Variants in IGSF9B observed in about 807,000 individuals in gnomAD.
The protein encoded by IGSF9B is immunoglobulin superfamily member 9B, also known as protein turtle homolog B.
Under a neutral mutation model 143.7 loss-of-function variants are expected in IGSF9B, and 48 were observed. The ratio of observed to expected loss-of-function variants is 0.33; its 90% CI spans 0.26 to 0.42. IGSF9B has a LOEUF of 0.42. Among genes scored for constraint, IGSF9B ranks in the 20% least tolerant of loss-of-function variants. The pLI is 1.00. For synonymous variants in IGSF9B, 903 were observed against 833.1 expected (o/e 1.08, Z -1.44); for missense variants, 1,706 against 1,980.0 (o/e 0.86, Z 2.63).
chr11:133,936,525 C>T (rs1220537282), intron 5 of IGSF9B, among the ~76,000 whole-genome samples: 1 of 152,176 alleles, frequency 6.6e-6, no homozygotes, highest in Non-Finnish European at 1.5e-5. Flanking sequence ...GAGTCAGGGC[C>T]GTGGGCTGCT....
chr11:133,919,395 G>A (rs1439427760), intron 18 of IGSF9B, among the ~76,000 whole-genome samples: 1 of 152,182 alleles, frequency 6.6e-6, no homozygotes, highest in African/African-American at 2.4e-5. Flanking sequence ...AGGACCGCAG[G>A]GACTCGGAGA....
chr11:133,949,610 C>T (rs142044885), intron 1 of IGSF9B, among the ~76,000 whole-genome samples: 297 of 151,920 alleles, frequency 2.0e-3, no homozygotes, highest in Non-Finnish European at 3.2e-3. Flanking sequence ...GGAGCCCAGC[C>T]CTGGGAGGGT....
At position 133,900,653 on chromosome 11, in the gene IGSF9B, C is replaced by T. The variant is rs1269083872; in HGVS notation, c.*8416G>A. ...AGTTCATCTCTCCCTCCTCATCCTC[C>T]ACTCAGTGTCCCAGGATTGGAGCAT... On this transcript the variant is annotated 3_prime_UTR_variant, in exon 20 of 20. Coordinates refer to ENST00000533871, the MANE Select transcript of IGSF9B (RefSeq NM_001277285.4). The T allele has an allele frequency of 6.6e-6, 1 of 152,630 alleles. No individual in the cohort carries two copies. Among genetic ancestry groups the T allele is most frequent in the Admixed American group, 6.5e-5 (1 of 15,288 alleles). 9.5% of individuals were successfully genotyped at this position (152,630 alleles called of 1,614,324 possible). A position where few individuals can be genotyped will look rare whatever the true frequency, so the allele number is the denominator to read the frequency against.
chr11:133,911,849 G>A, intron 19 of IGSF9B, 37 bp downstream of exon 19: 2 of 1,477,810 alleles, frequency 1.4e-6, no homozygotes, highest in Non-Finnish European at 1.8e-6. Flanking sequence ...GCAAGGCAAG[G>A]TGGGAGGAGC....
chr11:133,923,088 G>C (rs1939571108), intron 15 of IGSF9B, among the ~76,000 whole-genome samples: 1 of 152,204 alleles, frequency 6.6e-6, no homozygotes, highest in Non-Finnish European at 1.5e-5. Context: ...GCTACACAGA[G>C]CACACATACT....
At chr11:133,930,578 C>T (rs973490812) in intron 11 of IGSF9B, among the ~76,000 whole-genome samples, 29 of 152,194 alleles carry the variant, frequency 1.9e-4, no homozygotes, top group Non-Finnish European at 2.8e-4. Flanking sequence ...AGCCTCCGCA[C>T]GCCAGGCCTG....
Position 133,902,314 on chromosome 11 carries a change from TAC to T in IGSF9B, c.*6753_*6754del, listed in dbSNP as rs1307866160. On this transcript the variant is annotated 3_prime_UTR_variant, in exon 20 of 20. Transcript: ENST00000533871. ...ATCACACATACACGCACACCACAGA[TAC>T]ACACACACCATACCACACACACCCC... Among the ~76,000 whole-genome samples the T allele has an allele frequency of 7.8e-5, 8 of 102,914 alleles. No individual in the cohort carries two copies. Among genetic ancestry groups the T allele is most frequent in the South Asian group, 6.5e-4 (2 of 3,094 alleles). The allele number at this position is 102,914 out of a possible 152,430, so 67.5% of individuals were successfully genotyped here.
Position 133,927,044 on chromosome 11 carries a change from A to G in IGSF9B, c.1679T>C (p.Val560Ala). ...FGPHDWLSLP[V>A]PPGPSWLLVD... ...CAGCAGCCAGCTGGGTCCTGGCGGC[A>G]CTGGCAAGGACAGCCAGTCATGGGG... is the stretch of plus-strand genomic sequence containing the variant. The change falls in exon 13 of 20, where the codon GTG becomes GCG. Residue 560 changes from valine (V) to alanine (A), a missense_variant. Val to Ala is a moderately conservative substitution (Grantham distance 64). Coordinates refer to ENST00000533871, the MANE Select transcript of IGSF9B (RefSeq NM_001277285.4). The G allele has an allele frequency of 1.3e-6, 2 of 1,563,184 alleles. No individual in the cohort carries two copies. The highest frequency in any genetic ancestry group is 1.7e-6 in the Non-Finnish European group (2 of 1,153,910).
In IGSF9B at chr11:133,931,050, C is replaced by G; in HGVS notation, c.1453G>C (p.Glu485Gln). The change falls in exon 11 of 20, where the codon GAG (glutamate) becomes CAG (glutamine). Residue 485 changes from glutamate to glutamine, a missense_variant. Around this residue, in one of 7 missense-constraint regions of IGSF9B, gnomAD observed 238 missense variants for 452.6 expected, o/e 0.53. Coordinates refer to ENST00000533871, the MANE Select transcript of IGSF9B (RefSeq NM_001277285.4). The surrounding 1 kb of genome is among the most constrained non-coding windows in gnomAD (Gnocchi z 7.7). ...ACGTTGGTGGCGACACATTCCCACTCCCCGTGGTCCTCCTTACTCAGGGCA... is the reference window on the plus strand; with the variant it reads ...ACGTTGGTGGCGACACATTCCCACTGCCCGTGGTCCTCCTTACTCAGGGCA... ...FRALSKEDHG[E>Q]WECVATNVVT... The G allele has an allele frequency of 6.2e-7, 1 of 1,613,802 alleles. No homozygotes were observed. Among genetic ancestry groups the G allele is most frequent in the Non-Finnish European group, 8.5e-7 (1 of 1,179,830 alleles).
rs1201578837 is a variant in IGSF9B, at chr11:133,903,410, C to G, written c.*5659G>C. Among the ~76,000 whole-genome samples the G allele has an allele frequency of 1.3e-5, 2 of 152,178 alleles. No individual in the cohort carries two copies. Among genetic ancestry groups the G allele is most frequent in the African/African-American group, 4.8e-5 (2 of 41,426 alleles). On this transcript the variant is annotated 3_prime_UTR_variant, in exon 20 of 20. Coordinates refer to ENST00000533871, the MANE Select transcript of IGSF9B (RefSeq NM_001277285.4). ...CAAAGCCGGTAGCTTTTCACCAGCTCTCGTCCGAAACCCTAACTACTACTA... is the reference window on the plus strand; with the variant it reads ...CAAAGCCGGTAGCTTTTCACCAGCTGTCGTCCGAAACCCTAACTACTACTA...
At chr11:133,941,785 C>T (rs1238401350) in intron 3 of IGSF9B, among the ~76,000 whole-genome samples, 1 of 152,220 alleles carries the variant, frequency 6.6e-6, no homozygotes, top group African/African-American at 2.4e-5. Flanking sequence ...CCGCTCTCCT[C>T]GCTCTGGGCT....
chr11:133,941,741 C>T (rs940730734), intron 3 of IGSF9B, among the ~76,000 whole-genome samples: 2 of 152,304 alleles, frequency 1.3e-5, no homozygotes, highest in East Asian at 3.9e-4. Context: ...CCAGCATTTC[C>T]CTATGAACAG....
chr11:133,938,647 A>AAGCAATCC (rs1294425133), intron 3 of IGSF9B, among the ~76,000 whole-genome samples: 1 of 152,108 alleles, frequency 6.6e-6, no homozygotes, highest in African/African-American at 2.4e-5. Flanking sequence ...CTGCTTGTAG[A>AAGCAATCC]AGCAATCCGG....
Position 133,945,512 on chromosome 11 carries a change from G to T in IGSF9B, c.262+549C>A, listed in dbSNP as rs1007598940. Among the ~76,000 whole-genome samples the T allele has an allele frequency of 6.6e-6, 1 of 152,150 alleles. No homozygotes were observed. Among genetic ancestry groups the T allele is most frequent in the African/African-American group, 2.4e-5 (1 of 41,432 alleles). ...CGCCCTCCTCTCCCGCGGGCTGGGG[G>T]GCAGGCAGCGGCAGTGAGTCACGAG... On this transcript the variant is annotated intron_variant, in intron 2 of 19. Coordinates refer to ENST00000533871, the MANE Select transcript of IGSF9B (RefSeq NM_001277285.4). This position sits in a 1 kb window ranked among gnomAD's most constrained non-coding sequence, Gnocchi z 4.6.
Position 133,922,708 on chromosome 11 carries a change from C to G in IGSF9B, c.2142G>C (p.Leu714=). The G allele has an allele frequency of 6.3e-7, 1 of 1,578,866 alleles. No homozygotes were observed. Among genetic ancestry groups the G allele is most frequent in the Non-Finnish European group, 8.6e-7 (1 of 1,164,034 alleles). ...SSTDIFPQPD[L]TEDGLARPVL... is the part of the protein sequence containing the mutation. ...CAGGCCGCGCCAGCCCATCCTCGGTCAGGTCCGGCTGCGGGAAGATGTCTG... is the reference window on the plus strand; with the variant it reads ...CAGGCCGCGCCAGCCCATCCTCGGTGAGGTCCGGCTGCGGGAAGATGTCTG... Residue 714 remains leucine (L), a synonymous_variant, in exon 16 of 20, where the codon CTG becomes CTC. Coordinates refer to ENST00000533871, the MANE Select transcript of IGSF9B (RefSeq NM_001277285.4).
chr11:133,922,210 G>A lies in IGSF9B; in HGVS notation c.2294C>T (p.Ser765Phe). The A allele has an allele frequency of 1.2e-6, 2 of 1,612,964 alleles. No individual in the cohort carries two copies. The highest frequency in any genetic ancestry group is 2.2e-5 in the South Asian group (2 of 90,638). Residue 765 changes from serine to phenylalanine, a missense_variant, in exon 17 of 20, where the codon TCC (serine) becomes TTC (phenylalanine). This residue lies in a region of IGSF9B where 135 missense variants were observed against 181.3 expected (regional missense o/e 0.74). Transcript: ENST00000533871. The part of the protein sequence containing the change: ...KLKRKKDPPL[S>F]ITHCRKSLES... Reference sequence around the variant, plus strand: ...CAGGCTCTTCCTGCAGTGGGTGATGGAGAGTGGAGGGTCTGGAAGGAAAGA... The same window carrying A: ...CAGGCTCTTCCTGCAGTGGGTGATGAAGAGTGGAGGGTCTGGAAGGAAAGA...
At position 133,919,164 on chromosome 11, in the gene IGSF9B, A is replaced by G. The variant is rs1296718552; in HGVS notation, c.3983+578T>C. 1.5e-4 allele frequency: 63 copies of G among 412,094 alleles called. 2 individuals are homozygous for G. Among genetic ancestry groups the G allele is most frequent in the South Asian group, 1.1e-3 (63 of 56,460 alleles). The allele number at this position is 412,094 out of a possible 1,614,324, so 25.5% of individuals were successfully genotyped here. ...GTCCTGCACATGGTCACAAGGCCTG[A>G]CCCTTTTCTCTGGGCCTCCAGGAGA... On this transcript the variant is annotated intron_variant, in intron 18 of 19. Coordinates refer to ENST00000533871, the MANE Select transcript of IGSF9B (RefSeq NM_001277285.4).
At chr11:133,946,850 C>G (rs1940061278) in intron 1 of IGSF9B, among the ~76,000 whole-genome samples, 1 of 152,186 alleles carries the variant, frequency 6.6e-6, no homozygotes, top group African/African-American at 2.4e-5. Flanking sequence ...CCCTAACAAG[C>G]TCAGCCGAGG....
intron 18 of IGSF9B, among the ~76,000 whole-genome samples, chr11:133,914,594 C>T (rs892022402): frequency 1.3e-5 from 2 of 152,156 alleles, no homozygotes; most frequent in Non-Finnish European, 2.9e-5. Context: ...AGCCAAGCTC[C>T]AGCCCTTCCG....
Sources: gnomAD v4.1 joint callset for allele counts (sites outside exome capture counted in the v4.1 genomes callset) on GRCh38, gnomAD v4.1.1 for gene constraint, gnomAD v4.1.1 regional missense constraint, Gnocchi (gnomAD v3.1) non-coding constraint, MANE v1.5 for transcripts, NCBI Gene and HGNC (gene_info 2026-07-23, HGNC 2026-07-21) for gene names.